Variants in ZRANB3 observed in about 807,000 individuals in gnomAD.
ZRANB3 encodes the protein zinc finger RANBP2-type containing 3, also known as DNA annealing helicase and endonuclease ZRANB3.
ZRANB3 carries 125 observed loss-of-function variants against 133.8 expected under a neutral mutation model. That is an observed-to-expected ratio of 0.93 (90% CI 0.81 to 1.08). ZRANB3 has a LOEUF of 1.08. Ranked by LOEUF, ZRANB3 falls within the 50% of genes least tolerant of loss-of-function variation. ZRANB3 has a pLI of 0.00. For synonymous variants in ZRANB3, 387 were observed against 432.7 expected (o/e 0.89, Z 1.31); for missense variants, 1,229 against 1,275.5 (o/e 0.96, Z 0.56).
intron 1 of ZRANB3, among the ~76,000 whole-genome samples, chr2:135,529,436 C>T (rs1033215894): frequency 1.3e-5 from 2 of 152,092 alleles, no homozygotes; most frequent in African/African-American, 4.8e-5. Flanking sequence ...TGAATAAAGG[C>T]ATCTTTTTAG....
At chr2:135,378,517 A>G (rs1260942102) in intron 3 of ZRANB3, among the ~76,000 whole-genome samples, 1 of 152,006 alleles carries the variant, frequency 6.6e-6, no homozygotes, top group African/African-American at 2.4e-5. Flanking sequence ...ACAAAAACGT[A>G]AAACACAACT....
intron 6 of ZRANB3, among the ~76,000 whole-genome samples, chr2:135,323,329 G>T (rs1486402061): frequency 1.3e-5 from 2 of 152,086 alleles, no homozygotes; most frequent in African/African-American, 4.8e-5. Flanking sequence ...CATCCAAGAA[G>T]AATATTATAG....
At chr2:135,217,112 G>A (rs1486524575) in intron 17 of ZRANB3, among the ~76,000 whole-genome samples, 1 of 152,124 alleles carries the variant, frequency 6.6e-6, no homozygotes, top group African/African-American at 2.4e-5. Context: ...AAGCAGATGG[G>A]GTCCAGAGGC....
chr2:135,351,047 T>G (rs1685181028), intron 4 of ZRANB3, among the ~76,000 whole-genome samples: 1 of 152,116 alleles, frequency 6.6e-6, no homozygotes, highest in Non-Finnish European at 1.5e-5. Context: ...CAAATAAAGT[T>G]TGTAGAATGA....
At chr2:135,483,373 C>T (rs1006528861) in intron 2 of ZRANB3, among the ~76,000 whole-genome samples, 17 of 152,268 alleles carry the variant, frequency 1.1e-4, no homozygotes, top group African/African-American at 3.4e-4. Flanking sequence ...GGAATTTATC[C>T]ATTTCTTCTA....
chr2:135,227,377 T>C (rs944826802), intron 14 of ZRANB3, among the ~76,000 whole-genome samples: 25 of 152,240 alleles, frequency 1.6e-4, no homozygotes, highest in African/African-American at 6.0e-4. Context: ...TTCTTTAAAA[T>C]ACTTTTTTAA....
chr2:135,427,411 CACAA>C (rs1176524268), intron 2 of ZRANB3, among the ~76,000 whole-genome samples: 7 of 152,100 alleles, frequency 4.6e-5, no homozygotes, highest in African/African-American at 1.2e-4. Context: ...CATTTCTATA[CACAA>C]ACAATGTCCA....
chr2:135,471,275 T>C (rs1691256842), intron 2 of ZRANB3, among the ~76,000 whole-genome samples: 1 of 152,166 alleles, frequency 6.6e-6, no homozygotes, highest in South Asian at 2.1e-4. Context: ...CTTGGGATCT[T>C]TCACCTACTC....
chr2:135,362,321 A>T (rs541404646), intron 3 of ZRANB3, among the ~76,000 whole-genome samples: 3 of 152,268 alleles, frequency 2.0e-5, no homozygotes, highest in African/African-American at 7.2e-5. Context: ...TCTTCTTCTT[A>T]CTCAAGACAG....
At chr2:135,305,175 G>C (rs1055484974) in intron 8 of ZRANB3, among the ~76,000 whole-genome samples, 4 of 151,998 alleles carry the variant, frequency 2.6e-5, no homozygotes, top group African/African-American at 4.8e-5. Flanking sequence ...ACGGGGTTTC[G>C]CCATGTTTGC....
Position 135,202,823 on chromosome 2 carries a change from T to C in ZRANB3, c.3141+9A>G. ...GATGCAGTCAAAGCTATATGAGAGC[T>C]TCACTGACCTCTTTGTGACAGACTG... On this transcript the variant is annotated intron_variant, in intron 20 of 20. Transcript: ENST00000264159. The C allele has an allele frequency of 6.2e-7, 1 of 1,603,104 alleles. No individual in the cohort carries two copies. The highest frequency in any genetic ancestry group is 8.5e-7 in the Non-Finnish European group (1 of 1,174,526).
chr2:135,288,840 T>G (rs1244102993), intron 8 of ZRANB3, among the ~76,000 whole-genome samples: 2 of 151,878 alleles, frequency 1.3e-5, no homozygotes, highest in Non-Finnish European at 2.9e-5. Context: ...ACTTTGTTTA[T>G]ATTTTTAAAG....
chr2:135,224,655 G>C (rs1302152440), intron 14 of ZRANB3, 138 bp from the exon 15 acceptor site: 1 of 543,614 alleles, frequency 1.8e-6, no homozygotes, highest in East Asian at 3.0e-5. Context: ...TAATTGTCTA[G>C]GCTTGAAATA....
At chr2:135,509,576 C>T (rs1376347319) in intron 1 of ZRANB3, among the ~76,000 whole-genome samples, 2 of 151,998 alleles carry the variant, frequency 1.3e-5, no homozygotes, top group African/African-American at 4.8e-5. Flanking sequence ...CAAAGATAAA[C>T]AGAAGGCACA....
At chr2:135,257,866 A>G (rs189223804) in intron 12 of ZRANB3, among the ~76,000 whole-genome samples, 3 of 152,332 alleles carry the variant, frequency 2.0e-5, no homozygotes, top group African/African-American at 7.2e-5. Flanking sequence ...TGAAGCAGAA[A>G]GGCCTGGCAC....
chr2:135,332,406 T>C (rs1684190098), intron 6 of ZRANB3, among the ~76,000 whole-genome samples: 1 of 152,170 alleles, frequency 6.6e-6, no homozygotes, highest in African/African-American at 2.4e-5. Flanking sequence ...CTTCATAAGA[T>C]CAAGTACTAT....
At chr2:135,329,644 T>C (rs1251305340) in intron 6 of ZRANB3, among the ~76,000 whole-genome samples, 1 of 152,254 alleles carries the variant, frequency 6.6e-6, no homozygotes, top group Non-Finnish European at 1.5e-5. Flanking sequence ...ATAAACTACC[T>C]TGGGCAGTAT....
intron 2 of ZRANB3, among the ~76,000 whole-genome samples, chr2:135,395,813 C>T (rs986205264): frequency 6.6e-6 from 1 of 151,958 alleles, no homozygotes; most frequent in African/African-American, 2.4e-5. Flanking sequence ...ATAAAATGGA[C>T]AAATGGGATC....
At chr2:135,343,084 G>C (rs914636158) in intron 6 of ZRANB3, among the ~76,000 whole-genome samples, 5 of 146,160 alleles carry the variant, frequency 3.4e-5, no homozygotes, top group Non-Finnish European at 5.9e-5. Flanking sequence ...CTACTTGGAG[G>C]CTGAGGCAGG....
Sources: gnomAD v4.1 joint callset for allele counts (sites outside exome capture counted in the v4.1 genomes callset) on GRCh38, gnomAD v4.1.1 for gene constraint, MANE v1.5 for transcripts, NCBI Gene and HGNC (gene_info 2026-07-23, HGNC 2026-07-21) for gene names.